Variants in HYAL4 observed in about 807,000 individuals in gnomAD.
HYAL4 encodes the protein hyaluronidase 4.
A neutral mutation model predicts 35.2 loss-of-function variants in HYAL4; 37 were observed. The ratio of observed to expected loss-of-function variants is 1.05; its 90% CI spans 0.81 to 1.38. HYAL4 has a LOEUF of 1.38. HYAL4 is among the 40% of genes most tolerant of loss of function. HYAL4 has a pLI of 0.00. For synonymous variants in HYAL4, 198 were observed against 203.2 expected, an observed-to-expected ratio of 0.97 and a Z score of 0.22; for missense variants, 572 against 572.4, an observed-to-expected ratio of 1.00 and a Z score of 0.01.
At chr7:123,833,987 G>T (rs115684708) in intron 1 of HYAL4, among the ~76,000 whole-genome samples, 1 of 152,010 alleles carries the variant, frequency 6.6e-6, no homozygotes, top group Non-Finnish European at 1.5e-5. Flanking sequence ...GGTGACGATG[G>T]TCTTATAGTA....
At chr7:123,843,433 T>C (rs919480505), upstream of HYAL4, among the ~76,000 whole-genome samples, 3 of 152,050 alleles carry the variant, frequency 2.0e-5, no homozygotes, top group East Asian at 3.9e-4. Flanking sequence ...CTCTTAACAC[T>C]TTTTCCTTCA....
the HYAL4 span, among the ~76,000 whole-genome samples, chr7:123,805,800 A>T: frequency 6.6e-6 from 1 of 152,148 alleles, no homozygotes; most frequent in African/African-American, 2.4e-5. Flanking sequence ...GCAGTAAAAG[A>T]ATCAGCAGGC....
intron 1 of HYAL4, among the ~76,000 whole-genome samples, chr7:123,831,439 C>T (rs1350266513): frequency 1.3e-5 from 2 of 152,156 alleles, no homozygotes; most frequent in Non-Finnish European, 2.9e-5. Context: ...TTTCGGAGAA[C>T]TCTTTTTTGT....
chr7:123,852,866 C>T (rs568078959), intron 2 of HYAL4, among the ~76,000 whole-genome samples: 6 of 152,132 alleles, frequency 3.9e-5, no homozygotes, highest in African/African-American at 1.4e-4. Context: ...TTCTTTTCCA[C>T]AAGCATGGAA....
chr7:123,790,619 C>T, the HYAL4 span: 1 of 140,974 alleles, frequency 7.1e-6, no homozygotes, highest in Admixed American at 7.4e-5. Context: ...ATATGGAACG[C>T]TTCACGAATT....
the HYAL4 span, among the ~76,000 whole-genome samples, chr7:123,791,343 A>C: frequency 1.3e-5 from 2 of 152,264 alleles, no homozygotes; most frequent in Non-Finnish European, 2.9e-5. Flanking sequence ...ATAGAACTTC[A>C]GTAATTCATC....
At chr7:123,849,285 CCCTCTCT>C (rs1806245523) in intron 2 of HYAL4, among the ~76,000 whole-genome samples, 23 of 151,468 alleles carry the variant, frequency 1.5e-4, no homozygotes, top group African/African-American at 4.6e-4. Flanking sequence ...CTCTCTCTCT[CCCTCTCT>C]CTCTCTCTTT....
intron 2 of HYAL4, among the ~76,000 whole-genome samples, chr7:123,849,204 A>G (rs1806241209): frequency 6.6e-6 from 1 of 152,124 alleles, no homozygotes. Context: ...AATTTGAAAA[A>G]TTATGAGATA....
chr7:123,779,687 G>C, the HYAL4 span, among the ~76,000 whole-genome samples: 3 of 151,730 alleles, frequency 2.0e-5, no homozygotes, highest in Non-Finnish European at 4.4e-5. Context: ...TTCATCTCTA[G>C]GTAAACTTTT....
intron 1 of HYAL4, among the ~76,000 whole-genome samples, chr7:123,832,768 A>G (rs1805905585): frequency 6.6e-6 from 1 of 151,880 alleles, no homozygotes; most frequent in East Asian, 1.9e-4. Flanking sequence ...CCCAGGCGTG[A>G]GCCACCGCGC....
the HYAL4 span, among the ~76,000 whole-genome samples, chr7:123,772,091 A>C: frequency 6.6e-6 from 1 of 151,988 alleles, no homozygotes; most frequent in African/African-American, 2.4e-5. Context: ...GGCTTTCCTG[A>C]GTCTCCAGCT....
chr7:123,864,891 G>A (rs2116950670), intron 2 of HYAL4, among the ~76,000 whole-genome samples: 1 of 151,596 alleles, frequency 6.6e-6, no homozygotes, highest in South Asian at 2.1e-4. Flanking sequence ...ACAGCAAGCA[G>A]AAGACACGGG....
the HYAL4 span, among the ~76,000 whole-genome samples, chr7:123,804,760 T>C: frequency 6.6e-6 from 1 of 152,236 alleles, no homozygotes; most frequent in Non-Finnish European, 1.5e-5. Context: ...CTGCTGATAC[T>C]GAATTGAATC....
At chr7:123,875,398 G>C (rs1177333370) in intron 4 of HYAL4, among the ~76,000 whole-genome samples, 1 of 152,008 alleles carries the variant, frequency 6.6e-6, no homozygotes, top group East Asian at 1.9e-4. Context: ...GGGCACGGTG[G>C]CTCATGCCTG....
At chr7:123,824,328 G>T (rs987509307), upstream of HYAL4, among the ~76,000 whole-genome samples, 3 of 152,092 alleles carry the variant, frequency 2.0e-5, no homozygotes, top group African/African-American at 4.8e-5. Flanking sequence ...ACCAGGCTTG[G>T]ATCTGAGGTG....
At chr7:123,820,706 A>T in the HYAL4 span, among the ~76,000 whole-genome samples, 1 of 152,090 alleles carries the variant, frequency 6.6e-6, no homozygotes, top group South Asian at 2.1e-4. Context: ...TGTACAGGAG[A>T]TCTCTCGAAC....
At chr7:123,869,250 G>A (rs1200142606) in intron 3 of HYAL4, 23 bp downstream of exon 3, 1 of 1,457,474 alleles carries the variant, frequency 6.9e-7, no homozygotes, top group East Asian at 2.3e-5. Flanking sequence ...TTGTCCAATG[G>A]TGGGGGATTT....
At chr7:123,863,763 T>C (rs1358735702) in intron 2 of HYAL4, among the ~76,000 whole-genome samples, 2 of 152,208 alleles carry the variant, frequency 1.3e-5, no homozygotes, top group East Asian at 3.9e-4. Context: ...TGACATTGTT[T>C]AAGAGAAGCA....
chr7:123,785,909 C>T, the HYAL4 span, among the ~76,000 whole-genome samples: 1 of 151,972 alleles, frequency 6.6e-6, no homozygotes, highest in Non-Finnish European at 1.5e-5. The surrounding 1 kb of genome is among the most constrained non-coding windows in gnomAD (Gnocchi z 4.5). Flanking sequence ...ATTTCCTTTC[C>T]TGGCAAAAGA....
Sources: allele counts gnomAD v4.1 joint callset (sites outside exome capture counted in the v4.1 genomes callset), GRCh38; gene constraint gnomAD v4.1.1; non-coding constraint Gnocchi (gnomAD v3.1); transcripts MANE v1.5; gene names NCBI Gene and HGNC (gene_info 2026-07-23, HGNC 2026-07-21).